Variants in ZNF331 observed in about 807,000 individuals in gnomAD.
The protein encoded by ZNF331 is zinc finger protein 331, also known as C2H2-like zinc finger protein rearranged in thyroid adenomas.
ZNF331 carries 2 observed loss-of-function variants against 7.0 expected under a neutral mutation model. The observed-to-expected ratio is 0.29, with a 90% CI of 0.12 to 0.90. The LOEUF is 0.90. Among genes scored for constraint, ZNF331 ranks in the 40% least tolerant of loss-of-function variants. The pLI is 0.58. For missense variants in ZNF331, 432 were observed against 587.7 expected (o/e 0.74, Z 2.74); for synonymous variants, 196 against 205.4 (o/e 0.95, Z 0.39).
intron 3 of ZNF331, among the ~76,000 whole-genome samples, chr19:53,568,532 C>T (rs1319245110): frequency 1.3e-5 from 2 of 152,246 alleles, no homozygotes; most frequent in South Asian, 2.1e-4. Flanking sequence ...GCTCCTACCC[C>T]GAATCCCTTG....
chr19:53,509,418 G>A, the ZNF331 span, among the ~76,000 whole-genome samples: 1 of 150,462 alleles, frequency 6.6e-6, no homozygotes, highest in African/African-American at 2.4e-5. Flanking sequence ...GAGATACCCT[G>A]AGGTGGGGTC....
intron 3 of ZNF331, among the ~76,000 whole-genome samples, chr19:53,568,950 G>A (rs1444067787): frequency 3.4e-5 from 5 of 149,100 alleles, no homozygotes; most frequent in Admixed American, 1.4e-4. Flanking sequence ...TCCGCCTCCC[G>A]GGTTCAAGCG....
At chr19:53,506,444 G>GTCTCTCTCTCTCTCTCTCTCTC in the ZNF331 span, among the ~76,000 whole-genome samples, 3 of 86,250 alleles carry the variant, frequency 3.5e-5, no homozygotes, top group African/African-American at 5.0e-5. Flanking sequence ...CTCTCTCTCT[G>GTCTCTCTCTCTCTCTCTCTCTC]TCTCTCTCTC....
upstream of ZNF331, among the ~76,000 whole-genome samples, chr19:53,516,278 C>T (rs2086320122): frequency 6.6e-6 from 1 of 151,974 alleles, no homozygotes; most frequent in South Asian, 2.1e-4. Flanking sequence ...TGGTGAAACG[C>T]TGTCTCTACT....
Position 53,578,145 on chromosome 19 carries a change from G to A in ZNF331, c.*193G>A. The A allele has an allele frequency of 1.4e-6, 1 of 713,766 alleles. No individual in the cohort carries two copies. Among genetic ancestry groups the A allele is most frequent in the South Asian group, 2.0e-5 (1 of 50,754 alleles). The allele number at this position is 713,766 out of a possible 1,614,324, so 44.2% of individuals were successfully genotyped here. ...TGTCCGGCTCCAGCCGGCCGGGGAT[G>A]TGAGTCATCCCTTGGTCCAGCACAT... On this transcript the variant is annotated 3_prime_UTR_variant, in exon 6 of 6. Coordinates refer to ENST00000449416, the MANE Select transcript of ZNF331 (RefSeq NM_001079906.2).
At chr19:53,526,883 A>G (rs1363217039) in intron 2 of ZNF331, among the ~76,000 whole-genome samples, 1 of 151,458 alleles carries the variant, frequency 6.6e-6, no homozygotes, top group Non-Finnish European at 1.5e-5. Flanking sequence ...CCAGGCCTGC[A>G]TTGATTGCAT....
chr19:53,570,150 G>A (rs1346737527), intron 4 of ZNF331, among the ~76,000 whole-genome samples: 5 of 151,778 alleles, frequency 3.3e-5, no homozygotes, highest in South Asian at 4.2e-4. Context: ...CAGCTACTTG[G>A]TAGGCTGAGG....
At position 53,571,838 on chromosome 19, in the gene ZNF331, C is replaced by T; in HGVS notation, c.136+108C>T. 1 of 1,421,028 alleles carries T rather than the reference C, an allele frequency of 7.0e-7. No homozygotes were observed. 88.0% of individuals were successfully genotyped at this position (1,421,028 alleles called of 1,614,324 possible). A position where few individuals can be genotyped will look rare whatever the true frequency, so the allele number is the denominator to read the frequency against. ...AACTAGTTGAATTTCTTCTTCCTGT[C>T]CCCAAGGAATGTATTGAGCCTTATT... On this transcript the variant is annotated intron_variant, in intron 5 of 5. Coordinates refer to ENST00000449416, the MANE Select transcript of ZNF331 (RefSeq NM_001079906.2). The surrounding 1 kb of genome is among the most constrained non-coding windows in gnomAD (Gnocchi z 4.7).
intron 2 of ZNF331, among the ~76,000 whole-genome samples, chr19:53,530,415 C>G (rs539825072): frequency 6.6e-6 from 1 of 152,128 alleles, no homozygotes; most frequent in Non-Finnish European, 1.5e-5. Flanking sequence ...TTAGACGGGG[C>G]AAGTATTCAA....
At chr19:53,570,590 T>G (rs1195721635) in intron 4 of ZNF331, among the ~76,000 whole-genome samples, 1 of 151,946 alleles carries the variant, frequency 6.6e-6, no homozygotes, top group Admixed American at 6.6e-5. Flanking sequence ...TGGAGTGCAG[T>G]GGTGCCATCT....
chr19:53,507,689 G>A, the ZNF331 span, among the ~76,000 whole-genome samples: 293 of 152,250 alleles, frequency 1.9e-3, 1 homozygote, highest in African/African-American at 6.6e-3. Context: ...CAGCAGGGGC[G>A]TTTGTTCCGC....
the ZNF331 span, chr19:53,504,173 G>T: frequency 2.9e-6 from 1 of 345,144 alleles, no homozygotes; most frequent in Non-Finnish European, 5.7e-6. Flanking sequence ...ATCCCAGTCA[G>T]CTGGTGGTGA....
At position 53,573,075 on chromosome 19, in the gene ZNF331, C is replaced by T. The variant is rs982662101; in HGVS notation, c.136+1345C>T. Among the ~76,000 whole-genome samples the T allele has an allele frequency of 8.6e-5, 13 of 152,026 alleles. No homozygotes were observed. The highest frequency in any genetic ancestry group is 8.3e-4 in the South Asian group (4 of 4,816). On this transcript the variant is annotated intron_variant, in intron 5 of 5. Coordinates refer to ENST00000449416, the MANE Select transcript of ZNF331 (RefSeq NM_001079906.2). The surrounding 1 kb of genome is among the most constrained non-coding windows in gnomAD (Gnocchi z 4.2). ...CTCTACTAAAAATATAAAAATTAGC[C>T]GGGCATGGTGGCGCACGCCTGTGAT...
At chr19:53,570,228 C>G (rs1182279702) in intron 4 of ZNF331, among the ~76,000 whole-genome samples, 1 of 143,510 alleles carries the variant, frequency 7.0e-6, no homozygotes, top group African/African-American at 2.6e-5. Context: ...TGCACTCCAG[C>G]CTGGGCAACA....
chr19:53,515,090 T>TTC (rs1273021765), upstream of ZNF331, among the ~76,000 whole-genome samples: 1 of 152,168 alleles, frequency 6.6e-6, no homozygotes, highest in Non-Finnish European at 1.5e-5. Context: ...ACTTCTTCAC[T>TTC]GAACAGTTAA....
intron 2 of ZNF331, among the ~76,000 whole-genome samples, chr19:53,549,719 A>T (rs8100406): frequency 0.041 from 5,632 of 137,584 alleles, 339 homozygotes; most frequent in African/African-American, 0.14. Context: ...ATTTTTTTTT[A>T]AAAATCTTTT....
At chr19:53,556,493 A>ATT (rs376305079) in intron 3 of ZNF331, among the ~76,000 whole-genome samples, 5 of 141,166 alleles carry the variant, frequency 3.5e-5, no homozygotes, top group African/African-American at 7.7e-5. Flanking sequence ...TTTTTTTTTA[A>ATT]TTTTTTTTTT....
At chr19:53,509,454 C>T in the ZNF331 span, among the ~76,000 whole-genome samples, 89 of 152,268 alleles carry the variant, frequency 5.8e-4, no homozygotes, top group Admixed American at 1.2e-3. Flanking sequence ...CAACACCATA[C>T]GTGTAGAGAA....
rs1036030423 is a variant in ZNF331, at chr19:53,571,055, T to G, written c.10-549T>G. 6.6e-6 allele frequency among the ~76,000 whole-genome samples: 1 copy of G among 151,450 alleles called. No individual in the cohort carries two copies. Among genetic ancestry groups the G allele is most frequent in the African/African-American group, 2.4e-5 (1 of 41,206 alleles). Reference sequence around the variant, plus strand: ...TTTGTATTTTTAGTAGAGATGGGGTTTCACCATGTTTGCCAGGATGGTCTC... The same window carrying G: ...TTTGTATTTTTAGTAGAGATGGGGTGTCACCATGTTTGCCAGGATGGTCTC... On this transcript the variant is annotated intron_variant, in intron 4 of 5. Coordinates refer to ENST00000449416, the MANE Select transcript of ZNF331 (RefSeq NM_001079906.2). This position sits in a 1 kb window ranked among gnomAD's most constrained non-coding sequence, Gnocchi z 4.7.
Sources: allele counts gnomAD v4.1 joint callset (sites outside exome capture counted in the v4.1 genomes callset), GRCh38; gene constraint gnomAD v4.1.1; non-coding constraint Gnocchi (gnomAD v3.1); transcripts MANE v1.5; gene names NCBI Gene and HGNC (gene_info 2026-07-23, HGNC 2026-07-21).